The following LRMDA variants were observed in gnomAD, a reference collection of about 807,000 sequenced individuals.
LRMDA encodes leucine-rich melanocyte differentiation-associated protein.
Under a neutral mutation model 29.8 loss-of-function variants are expected in LRMDA, and 18 were observed. The ratio of observed to expected loss-of-function variants is 0.60; its 90% CI spans 0.42 to 0.90. The LOEUF (loss-of-function observed/expected upper bound fraction) is 0.90. LRMDA is among the 40% of genes least tolerant of loss of function. The pLI, the probability that LRMDA is intolerant of heterozygous loss-of-function variation, is 0.00. For missense variants in LRMDA, 273 were observed against 273.9 expected (o/e 1.00, Z 0.02); for synonymous variants, 125 against 109.4 (o/e 1.14, Z -0.89).
chr10:76,332,538 A>G (rs1210394931), intron 6 of LRMDA, among the ~76,000 whole-genome samples: 1 of 152,198 alleles, frequency 6.6e-6, no homozygotes, highest in African/African-American at 2.4e-5. Flanking sequence ...AGCAAACCCT[A>G]CTTCTGTAAA....
intron 5 of LRMDA, among the ~76,000 whole-genome samples, chr10:76,259,574 A>G (rs561672655): frequency 1.1e-4 from 16 of 152,204 alleles, no homozygotes; most frequent in Middle Eastern, 3.4e-3. Flanking sequence ...ATGTCTGTTA[A>G]GTCCATTTGG....
At chr10:75,663,123 G>T (rs1347807138) in intron 2 of LRMDA, among the ~76,000 whole-genome samples, 1 of 152,192 alleles carries the variant, frequency 6.6e-6, no homozygotes, top group Non-Finnish European at 1.5e-5. Flanking sequence ...TTTAGGGAAA[G>T]TCTAGAGTAG....
intron 5 of LRMDA, among the ~76,000 whole-genome samples, chr10:76,319,478 G>A (rs1224123346): frequency 6.6e-6 from 1 of 152,112 alleles, no homozygotes; most frequent in Non-Finnish European, 1.5e-5. Context: ...GAGTGTGAGG[G>A]ACACACTATG....
intron 2 of LRMDA, among the ~76,000 whole-genome samples, chr10:75,940,755 A>G (rs1056459300): frequency 6.6e-6 from 1 of 151,976 alleles, no homozygotes; most frequent in African/African-American, 2.4e-5. Context: ...GAGAAAAGCT[A>G]GGGAAATTTA....
chr10:75,486,090 G>A (rs1286562031), intron 2 of LRMDA, among the ~76,000 whole-genome samples: 2 of 152,044 alleles, frequency 1.3e-5, no homozygotes, highest in South Asian at 2.1e-4. Context: ...TGCATTTTTT[G>A]TGTTCTAGGT....
At chr10:76,172,074 C>A (rs943648365) in intron 5 of LRMDA, among the ~76,000 whole-genome samples, 1 of 152,096 alleles carries the variant, frequency 6.6e-6, no homozygotes, top group Non-Finnish European at 1.5e-5. Context: ...CTCTTTCTAG[C>A]AACCCACGGC....
intron 5 of LRMDA, among the ~76,000 whole-genome samples, chr10:76,171,527 G>A (rs1279199902): frequency 6.6e-6 from 1 of 152,172 alleles, no homozygotes; most frequent in Non-Finnish European, 1.5e-5. Context: ...TAGGAAGCTG[G>A]CCAAGCTCAT....
Position 75,576,509 on chromosome 10 carries a change from G to A in LRMDA, c.131+138015G>A, listed in dbSNP as rs888813474. ...AGAGCAGCAGATCTCCCAGCACAGC[G>A]TTGGAGCTCTGATAAGGGACAGACT... On this transcript the variant is annotated intron_variant, in intron 2 of 6. Transcript: ENST00000611255. Among the ~76,000 whole-genome samples, 41 of 152,238 alleles carry A rather than the reference G, an allele frequency of 2.7e-4. 1 individual carries two copies. Among genetic ancestry groups the A allele is most frequent in the African/African-American group, 9.2e-4 (38 of 41,464 alleles).
rs144344151 is a variant in LRMDA, at chr10:75,786,051, A to G, written c.132-249957A>G. ...AGGCCCACTAGACATTGTGAGGGGG[A>G]CACAAAGTGGACTCAATTTCACTGC... On this transcript the variant is annotated intron_variant, in intron 2 of 6. Transcript: ENST00000611255. Among the ~76,000 whole-genome samples the G allele has an allele frequency of 2.6e-3, 401 of 152,300 alleles. 3 individuals are homozygous for G. Among genetic ancestry groups the G allele is most frequent in the Non-Finnish European group, 3.6e-3 (246 of 68,020 alleles).
intron 2 of LRMDA, among the ~76,000 whole-genome samples, chr10:76,000,653 A>T (rs11001569): frequency 6.6e-6 from 1 of 151,906 alleles, no homozygotes; most frequent in Non-Finnish European, 1.5e-5. Context: ...CTTATTGCTC[A>T]TGAGGGAGGC....
chr10:76,169,288 C>G (rs958025786), intron 5 of LRMDA, among the ~76,000 whole-genome samples: 18 of 152,340 alleles, frequency 1.2e-4, no homozygotes, highest in African/African-American at 4.3e-4. Context: ...GGAATATTGA[C>G]ATTTTTGTCT....
chr10:76,410,717 G>T (rs1483039855), intron 6 of LRMDA, among the ~76,000 whole-genome samples: 1 of 152,130 alleles, frequency 6.6e-6, no homozygotes, highest in Non-Finnish European at 1.5e-5. Context: ...ACTTTGGGAG[G>T]CCAAGGGGGG....
intron 2 of LRMDA, among the ~76,000 whole-genome samples, chr10:75,794,790 G>T (rs1843624218): frequency 6.6e-6 from 1 of 152,040 alleles, no homozygotes; most frequent in African/African-American, 2.4e-5. Context: ...TTGATTTCTG[G>T]TCCTAAGTCC....
intron 2 of LRMDA, among the ~76,000 whole-genome samples, chr10:75,725,743 C>T (rs1842623851): frequency 6.6e-6 from 1 of 152,168 alleles, no homozygotes; most frequent in Admixed American, 6.5e-5. Context: ...AAATTCAAGC[C>T]ATAAGAAAAA....
chr10:76,028,807 T>A (rs1156986675), intron 2 of LRMDA, among the ~76,000 whole-genome samples: 1 of 151,600 alleles, frequency 6.6e-6, no homozygotes. Context: ...TATGAGAAGC[T>A]TATTCAAAGC....
rs149222808 is a variant in LRMDA at position 76,141,913 on chromosome 10, T to C, written c.516+83130T>C. Among the ~76,000 whole-genome samples, 408 of 152,260 alleles carry C rather than the reference T, an allele frequency of 2.7e-3. 2 individuals carry two copies. The highest frequency in any genetic ancestry group is 9.1e-3 in the African/African-American group (377 of 41,576). ...TTTGTGCAGAACTTTAGTTTCTTTG[T>C]CTTTTCTAACTTCCACTGGATATCC... On this transcript the variant is annotated intron_variant, in intron 5 of 6. Transcript: ENST00000611255.
At chr10:75,600,602 C>CT (rs1364899224) in intron 2 of LRMDA, among the ~76,000 whole-genome samples, 1 of 152,146 alleles carries the variant, frequency 6.6e-6, no homozygotes. Flanking sequence ...GAAGAAAAGG[C>CT]TTCTGGGGCT....
At chr10:76,478,366 C>T (rs60487291) in intron 6 of LRMDA, among the ~76,000 whole-genome samples, 3 of 151,282 alleles carry the variant, frequency 2.0e-5, no homozygotes, top group African/African-American at 7.3e-5. Context: ...CACACCAGTT[C>T]GAATGTCGAT....
intron 2 of LRMDA, among the ~76,000 whole-genome samples, chr10:75,483,226 T>C (rs1844872706): frequency 6.6e-6 from 1 of 152,156 alleles, no homozygotes; most frequent in South Asian, 2.1e-4. Context: ...GAATTATAGG[T>C]GTGAGCCACC....
Sources: allele counts gnomAD v4.1 joint callset (sites outside exome capture counted in the v4.1 genomes callset), GRCh38; gene constraint gnomAD v4.1.1; transcripts MANE v1.5; gene names NCBI Gene and HGNC (gene_info 2026-07-23, HGNC 2026-07-21).